The following ADCYAP1R1 variants were observed in gnomAD, a reference collection of about 807,000 sequenced individuals.
ADCYAP1R1 encodes ADCYAP receptor type I, also known as pituitary adenylate cyclase-activating polypeptide type I receptor.
In ADCYAP1R1, 44 loss-of-function variants were observed where a neutral mutation model predicts 67.6. That is an observed-to-expected ratio of 0.65 (90% CI 0.51 to 0.84). The LOEUF (loss-of-function observed/expected upper bound fraction) is 0.84. Ranked by LOEUF, ADCYAP1R1 falls within the 40% of genes least tolerant of loss-of-function variation. The probability of loss-of-function intolerance (pLI) is 0.00; values close to 1 mark genes in which losing one functional copy is unlikely to be tolerated. For synonymous variants in ADCYAP1R1, 222 were observed against 219.6 expected (o/e 1.01, Z -0.10); for missense variants, 477 against 587.9 (o/e 0.81, Z 1.95).
intron 7 of ADCYAP1R1, 123 bp downstream of exon 7, chr7:31,084,373 C>A: frequency 2.7e-6 from 2 of 737,130 alleles, no homozygotes; most frequent in East Asian, 2.6e-5. Flanking sequence ...GCCTACTCCT[C>A]CCCACCTGCA....
chr7:31,092,853 G>A (rs1242558077), intron 13 of ADCYAP1R1, 118 bp downstream of exon 13: 1 of 701,898 alleles, frequency 1.4e-6, no homozygotes, highest in African/African-American at 1.8e-5. Context: ...ATCAGCATTT[G>A]CAGATCTTCT....
chr7:31,094,528 C>A lies in ADCYAP1R1; in HGVS notation c.1046+1793C>A, dbSNP rs114580695. 5.6e-3 allele frequency among the ~76,000 whole-genome samples: 856 copies of A among 152,258 alleles called. 4 individuals are homozygous for A. Among genetic ancestry groups the A allele is most frequent in the African/African-American group, 0.02 (831 of 41,534 alleles). ...GCTCTAGTGGTCTTGATTTCCTCCC[C>A]TTCCTGGTAGGATTTGTTCTTCTAC... is the stretch of plus-strand genomic sequence containing the variant. On this transcript the variant is annotated intron_variant, in intron 13 of 15. Transcript: ENST00000304166.
intron 12 of ADCYAP1R1, among the ~76,000 whole-genome samples, 198 bp downstream of exon 12, chr7:31,087,894 T>C (rs895514794): frequency 6.6e-6 from 1 of 152,242 alleles, no homozygotes; most frequent in African/African-American, 2.4e-5. Flanking sequence ...CATTTTTTCC[T>C]TATTACAAAA....
At chr7:31,104,682 G>A (rs1316299849) in intron 14 of ADCYAP1R1, among the ~76,000 whole-genome samples, 186 bp from the exon 15 acceptor site, 3 of 152,042 alleles carry the variant, frequency 2.0e-5, no homozygotes, top group Non-Finnish European at 4.4e-5. Flanking sequence ...CACCAGCCAC[G>A]TGGCCTCATG....
In ADCYAP1R1 at chr7:31,093,654, C is replaced by T. The variant is rs145420579; in HGVS notation, c.1046+919C>T. On this transcript the variant is annotated intron_variant, in intron 13 of 15. Coordinates refer to ENST00000304166, the MANE Select transcript of ADCYAP1R1 (RefSeq NM_001118.5). The stretch of plus-strand genomic sequence containing the variant: ...GGTTCTGAGGGCAGTCCTTGGGGTC[C>T]GTCTGTTGGTAAGGCAAAAGCCCTA... 8.1e-3 allele frequency among the ~76,000 whole-genome samples: 1,234 copies of T among 152,140 alleles called. 6 individuals are homozygous for T. Among genetic ancestry groups the T allele is most frequent in the Non-Finnish European group, 0.014 (932 of 67,990 alleles).
intron 3 of ADCYAP1R1, among the ~76,000 whole-genome samples, chr7:31,069,631 G>A (rs972869744): frequency 7.2e-5 from 11 of 152,150 alleles, no homozygotes; most frequent in Non-Finnish European, 2.9e-5. Context: ...GGGGGATCCA[G>A]GAAAGTACTT....
At chr7:31,059,449 C>G (rs879582710) in intron 1 of ADCYAP1R1, among the ~76,000 whole-genome samples, 4 of 152,114 alleles carry the variant, frequency 2.6e-5, no homozygotes, top group Non-Finnish European at 5.9e-5. Flanking sequence ...GAGTCTGGAC[C>G]CAAGAGAGAG....
chr7:31,086,584 G>A lies in ADCYAP1R1; in HGVS notation c.823+47G>A, dbSNP rs1341224393. The A allele has an allele frequency of 6.2e-7, 1 of 1,603,168 alleles. No individual in the cohort carries two copies. The highest frequency in any genetic ancestry group is 8.5e-7 in the Non-Finnish European group (1 of 1,173,174). The stretch of plus-strand genomic sequence containing the variant: ...GGACAGGTTCAGGTCCCGTGGTCAG[G>A]TGTGTCCAGGTGTGTCTTTGGTTCC... On this transcript the variant is annotated intron_variant, in intron 10 of 15. Transcript: ENST00000304166. This position sits in a 1 kb window ranked among gnomAD's most constrained non-coding sequence, Gnocchi z 5.0.
rs1215379176 is a variant in ADCYAP1R1, at chr7:31,109,344, C to T, written c.*2660C>T. The T allele has an allele frequency of 6.6e-6, 1 of 152,206 alleles. No individual in the cohort carries two copies. Among genetic ancestry groups the T allele is most frequent in the Non-Finnish European group, 1.5e-5 (1 of 68,064 alleles). 9.4% of individuals were successfully genotyped at this position (152,206 alleles called of 1,614,324 possible). A position where few individuals can be genotyped will look rare whatever the true frequency, so the allele number is the denominator to read the frequency against. On this transcript the variant is annotated 3_prime_UTR_variant, in exon 16 of 16. Transcript: ENST00000304166. ...GTAAAACCCTTCCCTCTCTGACCCTCTGTTTTCAAATCTGTAAAATGGGCA... is the reference window on the plus strand; with the variant it reads ...GTAAAACCCTTCCCTCTCTGACCCTTTGTTTTCAAATCTGTAAAATGGGCA...
intron 3 of ADCYAP1R1, among the ~76,000 whole-genome samples, chr7:31,073,949 C>G (rs1222300673): frequency 2.6e-5 from 4 of 152,086 alleles, no homozygotes; most frequent in African/African-American, 9.7e-5. Flanking sequence ...TAAGGGTTAC[C>G]AGGAGGGCTT....
intron 4 of ADCYAP1R1, among the ~76,000 whole-genome samples, chr7:31,078,396 GC>G (rs1315188122): frequency 1.3e-5 from 2 of 152,200 alleles, no homozygotes. Context: ...TGGCCCGGTG[GC>G]CCCCTCCCAG....
chr7:31,077,886 C>G (rs1795341224), intron 3 of ADCYAP1R1, 105 bp from the exon 4 acceptor site: 5 of 628,616 alleles, frequency 8.0e-6, no homozygotes, highest in Admixed American at 3.3e-5. Flanking sequence ...TGTGTGGTGT[C>G]TGTGGTGTGT....
In ADCYAP1R1 at chr7:31,092,692, C is replaced by A. The variant is rs1444094990; in HGVS notation, c.1003C>A (p.Leu335Ile). ...IGIIVILVQK[L>I]QSPDMGGNES... ...CATTATCGTCATCCTTGTGCAGAAA[C>A]TTCAGTCTCCAGACATGGGAGGCAA... is the stretch of plus-strand genomic sequence containing the variant. The change falls in exon 13 of 16, where the codon CTT becomes ATT. Residue 335 changes from leucine to isoleucine, a missense_variant. Physicochemically the swap from Leu to Ile is conservative, Grantham distance 5. Transcript: ENST00000304166. 1.2e-6 allele frequency: 2 copies of A among 1,612,640 alleles called. No homozygotes were observed. The highest frequency in any genetic ancestry group is 1.7e-5 in the Admixed American group (1 of 59,880).
At chr7:31,082,780 G>T (rs934247339) in intron 6 of ADCYAP1R1, among the ~76,000 whole-genome samples, 1 of 152,354 alleles carries the variant, frequency 6.6e-6, no homozygotes, top group East Asian at 1.9e-4. Context: ...AGCCTGTGCC[G>T]TAGAACTCAG....
intron 5 of ADCYAP1R1, among the ~76,000 whole-genome samples, chr7:31,081,304 G>A (rs910965111): frequency 2.6e-5 from 4 of 152,192 alleles, no homozygotes; most frequent in Non-Finnish European, 5.9e-5. Flanking sequence ...GGCTGAGGTG[G>A]AGGGTCGAGC....
intron 1 of ADCYAP1R1, among the ~76,000 whole-genome samples, chr7:31,061,892 C>T (rs2128615721): frequency 6.6e-6 from 1 of 152,258 alleles, no homozygotes; most frequent in South Asian, 2.1e-4. Context: ...GCTTGGGCCC[C>T]CCATGGCCTC....
At chr7:31,079,914 G>T (rs983390117) in intron 4 of ADCYAP1R1, among the ~76,000 whole-genome samples, 1 of 152,210 alleles carries the variant, frequency 6.6e-6, no homozygotes, top group Admixed American at 6.5e-5. Context: ...GGGCAGTCAG[G>T]CATGGTGGCA....
chr7:31,064,041 G>C (rs1255905955), intron 2 of ADCYAP1R1, among the ~76,000 whole-genome samples: 1 of 152,228 alleles, frequency 6.6e-6, no homozygotes, highest in African/African-American at 2.4e-5. Context: ...GGCAGCAGCT[G>C]TCATGATAGC....
Position 31,063,131 on chromosome 7 carries a change from G to A in ADCYAP1R1, c.-71-63G>A, listed in dbSNP as rs978468486. On this transcript the variant is annotated intron_variant, in intron 1 of 15. Coordinates refer to ENST00000304166, the MANE Select transcript of ADCYAP1R1 (RefSeq NM_001118.5). ...GGGAGCTGGGGGAATAAGGAAGGGA[G>A]GTGGTCTTGCCCCCGGCCACTGCAC... is the stretch of plus-strand genomic sequence containing the variant. 8 of 963,124 alleles carry A rather than the reference G, an allele frequency of 8.3e-6. No individual in the cohort carries two copies. In the Admixed American group the frequency reaches 9.6e-5, roughly 12 times the overall value. The allele number at this position is 963,124 out of a possible 1,614,324, so 59.7% of individuals were successfully genotyped here.
Sources: gnomAD v4.1 joint callset for allele counts (sites outside exome capture counted in the v4.1 genomes callset) on GRCh38, gnomAD v4.1.1 for gene constraint, Gnocchi (gnomAD v3.1) non-coding constraint, MANE v1.5 for transcripts, NCBI Gene and HGNC (gene_info 2026-07-23, HGNC 2026-07-21) for gene names.